Variants in ARID4B observed in about 807,000 individuals in gnomAD.
The protein encoded by ARID4B is AT-rich interactive domain-containing protein 4B.
In ARID4B, 26 loss-of-function variants were observed where a neutral mutation model predicts 147.5. The observed-to-expected ratio is 0.18, with a 90% CI of 0.13 to 0.24. ARID4B has a LOEUF of 0.24. Ranked by LOEUF, ARID4B falls within the 10% of genes least tolerant of loss-of-function variation. ARID4B has a pLI of 1.00. For missense variants in ARID4B, 1,179 were observed against 1,511.5 expected, an observed-to-expected ratio of 0.78 and a Z score of 3.65; for synonymous variants, 512 against 507.9, an observed-to-expected ratio of 1.01 and a Z score of -0.11.
chr1:235,248,957 G>A (rs931899059), intron 6 of ARID4B, among the ~76,000 whole-genome samples: 1 of 152,148 alleles, frequency 6.6e-6, no homozygotes, highest in Non-Finnish European at 1.5e-5. Context: ...TACCTAAAAT[G>A]GGCTGCAGAA....
chr1:235,295,237 T>C (rs940573059), intron 2 of ARID4B, among the ~76,000 whole-genome samples: 3 of 152,146 alleles, frequency 2.0e-5, no homozygotes, highest in East Asian at 3.8e-4. Context: ...AGGCCGGGCA[T>C]AGTGGCTCAC....
At position 235,171,560 on chromosome 1, in the gene ARID4B, C is replaced by G. The variant is rs368609011; in HGVS notation, c.3811+1058G>C. ...TTAATGCTAACCCAGTAGAGAGGCT[C>G]TATTTAGCAAAATCATTCATTATAA... On this transcript the variant is annotated intron_variant, in intron 23 of 23. Transcript: ENST00000264183. 6.6e-5 allele frequency among the ~76,000 whole-genome samples: 10 copies of G among 152,022 alleles called. No individual in the cohort carries two copies. The East Asian group carries it at 1.9e-3, about 29-fold the overall frequency.
At chr1:235,245,957 G>C (rs1411937106) in intron 7 of ARID4B, among the ~76,000 whole-genome samples, 3 of 152,192 alleles carry the variant, frequency 2.0e-5, no homozygotes, top group African/African-American at 7.2e-5. Context: ...CTATGCCAGA[G>C]AATTGGGTTT....
At chr1:235,274,666 T>C (rs914793859) in intron 2 of ARID4B, among the ~76,000 whole-genome samples, 9 of 152,130 alleles carry the variant, frequency 5.9e-5, no homozygotes, top group African/African-American at 2.2e-4. Context: ...CCAAAGAGAA[T>C]TTCGGAGAAG....
chr1:235,182,055 G>C lies in ARID4B; in HGVS notation c.2864C>G (p.Pro955Arg). The C allele has an allele frequency of 6.2e-7, 1 of 1,614,072 alleles. No individual in the cohort carries two copies. Among genetic ancestry groups the C allele is most frequent in the Admixed American group, 1.7e-5 (1 of 60,014 alleles). ...CCCCTCCTCTGGGGCAGGATGCGGT[G>C]GGGAAGCTGCAGCCTCAGTATCAGA... ...SDSDTEAAASPPHPAPEEGVA... is the reference protein window; with the variant it reads ...SDSDTEAAASRPHPAPEEGVA... Residue 955 changes from proline to arginine, a missense_variant, in exon 20 of 24, where the codon CCA becomes CGA. Pro to Arg is a moderately radical substitution (Grantham distance 103). Around this residue, in one of 10 missense-constraint regions of ARID4B, gnomAD observed 357 missense variants for 427.3 expected, o/e 0.84. Transcript: ENST00000264183.
At chr1:235,170,910 CAAAAAAAAAAAAAAA>C (rs1164420998) in intron 23 of ARID4B, among the ~76,000 whole-genome samples, 1 of 61,448 alleles carries the variant, frequency 1.6e-5, no homozygotes, top group Non-Finnish European at 3.4e-5. Flanking sequence ...GACTCCGTCT[CAAAAAAAAAAAAAAA>C]AAAAAAAAAC....
rs192159554 is a variant in ARID4B, at chr1:235,302,496, A to G, written c.6+24418T>C. On this transcript the variant is annotated intron_variant, in intron 2 of 23. Coordinates refer to ENST00000264183, the MANE Select transcript of ARID4B (RefSeq NM_016374.6). ...TAATTTTGATATCATTACATGTTGAAATAACAATGTTTTGGATATGCTGGG... is the reference window on the plus strand; with the variant it reads ...TAATTTTGATATCATTACATGTTGAGATAACAATGTTTTGGATATGCTGGG... Among the ~76,000 whole-genome samples, 312 of 152,324 alleles carry G rather than the reference A, an allele frequency of 2.0e-3. 2 individuals are homozygous for G. The highest frequency in any genetic ancestry group is 7.2e-3 in the African/African-American group (301 of 41,578).
At chr1:235,226,747 C>T (rs533843480) in intron 11 of ARID4B, among the ~76,000 whole-genome samples, 28 of 152,192 alleles carry the variant, frequency 1.8e-4, no homozygotes, top group Non-Finnish European at 4.1e-4. Context: ...TGGTCTCGAT[C>T]TCCTGACCTC....
intron 11 of ARID4B, 37 bp from the exon 12 acceptor site, chr1:235,224,812 T>C (rs765634737): frequency 7.3e-7 from 1 of 1,373,110 alleles, no homozygotes; most frequent in Non-Finnish European, 1.0e-6. Context: ...TTTTCTTCAA[T>C]TAAGCATTTT....
rs1048309122 is a variant in ARID4B, at chr1:235,197,556, G to A, written c.1842-1441C>T. Among the ~76,000 whole-genome samples the A allele has an allele frequency of 3.3e-5, 5 of 152,162 alleles. No individual in the cohort carries two copies. In the East Asian group the frequency reaches 7.7e-4, roughly 23 times the overall value. On this transcript the variant is annotated intron_variant, in intron 17 of 23. Coordinates refer to ENST00000264183, the MANE Select transcript of ARID4B (RefSeq NM_016374.6). Reference sequence around the variant, plus strand: ...TATATGCTGGAAGATGCTGAGGGCCGTAATAAGAATAAGAGGGAATGGAAT... The same window carrying A: ...TATATGCTGGAAGATGCTGAGGGCCATAATAAGAATAAGAGGGAATGGAAT...
chr1:235,204,135 A>G, intron 17 of ARID4B, among the ~76,000 whole-genome samples: 1 of 152,182 alleles, frequency 6.6e-6, no homozygotes, highest in Admixed American at 6.5e-5. Flanking sequence ...CAGCCTGGCC[A>G]GCATGGTGAA....
chr1:235,182,209 T>C lies in ARID4B; in HGVS notation c.2710A>G (p.Lys904Glu). The C allele has an allele frequency of 1.9e-6, 3 of 1,613,550 alleles. No individual in the cohort carries two copies. The highest frequency in any genetic ancestry group is 2.5e-6 in the Non-Finnish European group (3 of 1,179,900). ...FYSGFSEVAE[K>E]RIKLLNNSDE... ...GAGTTATTTAAAAGTTTAATCCTTTTTTCTGCCACTTCTGAAAATCCTGAA... is the reference window on the plus strand; with the variant it reads ...GAGTTATTTAAAAGTTTAATCCTTTCTTCTGCCACTTCTGAAAATCCTGAA... The change falls in exon 20 of 24, where the codon AAA (lysine) becomes GAA (glutamate). Residue 904 changes from lysine (K) to glutamate (E), a missense_variant. Around this residue, in one of 10 missense-constraint regions of ARID4B, gnomAD observed 321 missense variants for 342.4 expected, o/e 0.94. Coordinates refer to ENST00000264183, the MANE Select transcript of ARID4B (RefSeq NM_016374.6).
chr1:235,276,345 G>A (rs538445331), intron 2 of ARID4B, among the ~76,000 whole-genome samples: 3 of 151,972 alleles, frequency 2.0e-5, no homozygotes, highest in Non-Finnish European at 4.4e-5. Flanking sequence ...TTAAAAATCA[G>A]CTTTTAAGCC....
intron 17 of ARID4B, among the ~76,000 whole-genome samples, chr1:235,204,617 G>T (rs1019271195): frequency 6.6e-6 from 1 of 152,184 alleles, no homozygotes; most frequent in African/African-American, 2.4e-5. Flanking sequence ...GTAATAATAA[G>T]AACACTAATA....
chr1:235,213,913 A>C lies in ARID4B; in HGVS notation c.1697T>G (p.Phe566Cys). ...TTTCATGCCTGGTGGATAGCACTCA[A>C]ACTCCTCTTCCTCATTGTTGTCATC... Reference protein sequence around the residue: ...DDDDNNEEEEFECYPPGMKVQ... With the variant: ...DDDDNNEEEECECYPPGMKVQ... Residue 566 changes from phenylalanine to cysteine, a missense_variant, in exon 17 of 24, where the codon TTT (phenylalanine) becomes TGT (cysteine). This residue lies in a region of ARID4B where 204 missense variants were observed against 210.9 expected (regional missense o/e 0.97). Coordinates refer to ENST00000264183, the MANE Select transcript of ARID4B (RefSeq NM_016374.6). The C allele has an allele frequency of 6.2e-7, 1 of 1,613,734 alleles. No homozygotes were observed. The highest frequency in any genetic ancestry group is 1.3e-5 in the African/African-American group (1 of 74,890).
chr1:235,170,004 A>C (rs972248761), intron 23 of ARID4B, among the ~76,000 whole-genome samples: 2 of 152,154 alleles, frequency 1.3e-5, no homozygotes, highest in African/African-American at 4.8e-5. Flanking sequence ...ATTTTTAAAT[A>C]CATGCACAGA....
At position 235,221,669 on chromosome 1, in the gene ARID4B, G is replaced by A; in HGVS notation, c.1066-7C>T. 1 of 1,543,254 alleles carries A rather than the reference G, an allele frequency of 6.5e-7. No individual in the cohort carries two copies. On this transcript the variant is annotated splice_region_variant and splice_polypyrimidine_tract_variant and intron_variant, in intron 13 of 23. Transcript: ENST00000264183. ...AAACAGCTCCACTTTCAATCTAATG[G>A]ACAAAGTGAAACAAAAACTCTCAAA...
intron 3 of ARID4B, among the ~76,000 whole-genome samples, chr1:235,259,991 A>G (rs1670199779): frequency 6.6e-6 from 1 of 152,194 alleles, no homozygotes; most frequent in Non-Finnish European, 1.5e-5. Context: ...CACTCAATAA[A>G]TTATTGACAA....
intron 2 of ARID4B, among the ~76,000 whole-genome samples, chr1:235,313,354 TGAAATAGA>T (rs1216146098): frequency 6.6e-6 from 1 of 152,028 alleles, no homozygotes; most frequent in Non-Finnish European, 1.5e-5. Context: ...TTTTTTATTC[TGAAATAGA>T]CATAAGCCAA....
Sources: gnomAD v4.1 joint callset for allele counts (sites outside exome capture counted in the v4.1 genomes callset) on GRCh38, gnomAD v4.1.1 for gene constraint, gnomAD v4.1.1 regional missense constraint, MANE v1.5 for transcripts, NCBI Gene and HGNC (gene_info 2026-07-23, HGNC 2026-07-21) for gene names.